The following FHIT variants were observed in gnomAD, a reference collection of about 807,000 sequenced individuals.
FHIT encodes the protein fragile histidine triad diadenosine triphosphatase.
FHIT carries 19 observed loss-of-function variants against 17.9 expected under a neutral mutation model. The observed-to-expected ratio is 1.06, with a 90% confidence interval of 0.74 to 1.56. FHIT has a LOEUF of 1.56. Among genes scored for constraint, FHIT ranks in the 40% most tolerant of loss-of-function variants. FHIT has a pLI of 0.00. For missense variants in FHIT, 248 were observed against 189.2 expected (o/e 1.31, Z -1.82); for synonymous variants, 81 against 69.7 (o/e 1.16, Z -0.81).
chr3:60,724,619 C>A (rs1162802138), intron 4 of FHIT, among the ~76,000 whole-genome samples: 1 of 151,020 alleles, frequency 6.6e-6, no homozygotes, highest in African/African-American at 2.4e-5. Context: ...TTCTCCACAT[C>A]CTTGCTAATA....
At chr3:60,141,309 G>C (rs991749367) in intron 5 of FHIT, among the ~76,000 whole-genome samples, 3 of 149,828 alleles carry the variant, frequency 2.0e-5, no homozygotes, top group African/African-American at 7.4e-5. Flanking sequence ...TGTTCTGAAA[G>C]AAAACTGATT....
At chr3:59,810,595 T>C (rs1423581794) in intron 8 of FHIT, among the ~76,000 whole-genome samples, 6 of 152,214 alleles carry the variant, frequency 3.9e-5, no homozygotes, top group Admixed American at 3.3e-4. Context: ...TAAGGCTCCA[T>C]TAAAATGCCT....
chr3:59,969,262 T>C (rs1708069375), intron 7 of FHIT, among the ~76,000 whole-genome samples: 1 of 152,160 alleles, frequency 6.6e-6, no homozygotes, highest in South Asian at 2.1e-4. Context: ...CATTCCATTA[T>C]TCAAAAATAC....
intron 3 of FHIT, among the ~76,000 whole-genome samples, chr3:60,953,082 G>A (rs1427778560): frequency 2.0e-5 from 3 of 152,136 alleles, no homozygotes; most frequent in Non-Finnish European, 4.4e-5. Flanking sequence ...CTTGAAAGCT[G>A]AAAGTTCACT....
chr3:61,025,628 T>C (rs1027573341), intron 3 of FHIT, among the ~76,000 whole-genome samples: 11 of 152,224 alleles, frequency 7.2e-5, no homozygotes, highest in Admixed American at 7.2e-4. Flanking sequence ...TAAATAAATA[T>C]TGAGTTTACA....
intron 7 of FHIT, among the ~76,000 whole-genome samples, chr3:59,990,295 G>C (rs1236119098): frequency 1.3e-5 from 2 of 152,018 alleles, no homozygotes; most frequent in Admixed American, 1.3e-4. Flanking sequence ...GGAATGATCT[G>C]AATGTTTTCA....
Position 61,023,269 on chromosome 3 carries a change from A to G in FHIT, c.-111+18778T>C, listed in dbSNP as rs142919431. 5.1e-3 allele frequency among the ~76,000 whole-genome samples: 775 copies of G among 152,340 alleles called. 2 individuals carry two copies. The highest frequency in any genetic ancestry group is 0.018 in the African/African-American group (746 of 41,584). ...TTGCTACAAACAGAATAAAATACCC[A>G]GGAATACAACTTACAAGGGATGTGA... is the stretch of plus-strand genomic sequence containing the variant. On this transcript the variant is annotated intron_variant, in intron 3 of 9. Coordinates refer to ENST00000492590, the MANE Select transcript of FHIT (RefSeq NM_002012.4).
At chr3:60,106,835 T>C (rs974378111) in intron 5 of FHIT, among the ~76,000 whole-genome samples, 1 of 152,208 alleles carries the variant, frequency 6.6e-6, no homozygotes, top group Admixed American at 6.5e-5. Context: ...CCAGCTCCAA[T>C]CATACAGTTC....
rs535029964 is a variant in FHIT, at chr3:60,085,740, T to C, written c.104-71588A>G. Among the ~76,000 whole-genome samples, 25 of 152,296 alleles carry C rather than the reference T, an allele frequency of 1.6e-4. 1 individual carries two copies. Among genetic ancestry groups the C allele is most frequent in the African/African-American group, 5.3e-4 (22 of 41,578 alleles). On this transcript the variant is annotated intron_variant, in intron 5 of 9. Transcript: ENST00000492590. ...CCTACAGGCCAAAATGGTTTATATA[T>C]CAAATGACCTTGGACAAGTTGTTTA... is the stretch of plus-strand genomic sequence containing the variant.
In FHIT at chr3:60,733,200, C is replaced by T. The variant is rs916279991; in HGVS notation, c.-18+88719G>A. On this transcript the variant is annotated intron_variant, in intron 4 of 9. Coordinates refer to ENST00000492590, the MANE Select transcript of FHIT (RefSeq NM_002012.4). Reference sequence around the variant, plus strand: ...GAGGTGAAGACTGCGACAAACCACTCGTGTATCATGGCAATCGCTACTCCC... The same window carrying T: ...GAGGTGAAGACTGCGACAAACCACTTGTGTATCATGGCAATCGCTACTCCC... 2.6e-5 allele frequency among the ~76,000 whole-genome samples: 4 copies of T among 152,282 alleles called. No homozygotes were observed. In the South Asian group the frequency reaches 8.3e-4, roughly 32 times the overall value.
At chr3:60,376,488 TACAC>T (rs150998468) in intron 5 of FHIT, among the ~76,000 whole-genome samples, 1 of 152,108 alleles carries the variant, frequency 6.6e-6, no homozygotes, top group Non-Finnish European at 1.5e-5. Context: ...CAAACATACA[TACAC>T]ACACACATTC....
In FHIT at chr3:60,206,454, G is replaced by A. The variant is rs371025627; in HGVS notation, c.104-192302C>T. 4.6e-5 allele frequency among the ~76,000 whole-genome samples: 7 copies of A among 152,094 alleles called. No homozygotes were observed. The East Asian group carries it at 1.2e-3, about 25-fold the overall frequency. ...TGGGTAGATGTTGACTTTCCCAGCAGGCCACGATTTATTGCCAAAAGCACA... is the reference window on the plus strand; with the variant it reads ...TGGGTAGATGTTGACTTTCCCAGCAAGCCACGATTTATTGCCAAAAGCACA... On this transcript the variant is annotated intron_variant, in intron 5 of 9. Coordinates refer to ENST00000492590, the MANE Select transcript of FHIT (RefSeq NM_002012.4).
intron 5 of FHIT, among the ~76,000 whole-genome samples, chr3:60,374,848 A>G (rs931938860): frequency 6.6e-6 from 1 of 152,108 alleles, no homozygotes; most frequent in Non-Finnish European, 1.5e-5. Context: ...AGAGACTGCT[A>G]ATCACTGAAC....
intron 1 of FHIT, among the ~76,000 whole-genome samples, chr3:61,205,907 G>C (rs1166122498): frequency 8.1e-5 from 12 of 148,584 alleles, no homozygotes; most frequent in Non-Finnish European, 1.5e-4. Flanking sequence ...CCTATGTCCT[G>C]AATGGTATTG....
Position 61,178,960 on chromosome 3 carries a change from G to A in FHIT, c.-164+21657C>T, listed in dbSNP as rs1012750259. On this transcript the variant is annotated intron_variant, in intron 2 of 9. Coordinates refer to ENST00000492590, the MANE Select transcript of FHIT (RefSeq NM_002012.4). ...AGTTTCCAAAGTATTTGTCCACCACGTGATTTTGTTTGACATCCACAAGCC... is the reference window on the plus strand; with the variant it reads ...AGTTTCCAAAGTATTTGTCCACCACATGATTTTGTTTGACATCCACAAGCC... Among the ~76,000 whole-genome samples the A allele has an allele frequency of 1.0e-4, 15 of 147,722 alleles. 1 individual carries two copies. The highest frequency in any genetic ancestry group is 8.7e-4 in the Admixed American group (13 of 14,860).
At chr3:60,782,658 C>T (rs1700433324) in intron 4 of FHIT, among the ~76,000 whole-genome samples, 1 of 152,102 alleles carries the variant, frequency 6.6e-6, no homozygotes, top group African/African-American at 2.4e-5. Flanking sequence ...CTGTCTTATT[C>T]CATTCATGCT....
At chr3:60,408,008 C>T (rs1446410634) in intron 5 of FHIT, among the ~76,000 whole-genome samples, 1 of 152,160 alleles carries the variant, frequency 6.6e-6, no homozygotes, top group Admixed American at 6.5e-5. Context: ...TAAACGAAGG[C>T]TCTACCAATG....
intron 7 of FHIT, among the ~76,000 whole-genome samples, chr3:59,925,877 A>T (rs1298698449): frequency 6.6e-6 from 1 of 152,236 alleles, no homozygotes; most frequent in Admixed American, 6.5e-5. Flanking sequence ...AAAAAATACC[A>T]TCACTATGGA....
chr3:60,990,215 T>C (rs1428975048), intron 3 of FHIT, among the ~76,000 whole-genome samples: 3 of 152,192 alleles, frequency 2.0e-5, no homozygotes, highest in Admixed American at 1.3e-4. Flanking sequence ...ACCAAAGATA[T>C]TTAAATTAAA....
Sources: allele counts gnomAD v4.1 joint callset (sites outside exome capture counted in the v4.1 genomes callset), GRCh38; gene constraint gnomAD v4.1.1; transcripts MANE v1.5; gene names NCBI Gene and HGNC (gene_info 2026-07-23, HGNC 2026-07-21).